BICD1: variants seen among roughly 807,000 people sequenced by gnomAD.
The protein encoded by BICD1 is BICD cargo adaptor 1, also known as protein bicaudal D homolog 1.
In BICD1, 35 loss-of-function variants were observed where a neutral mutation model predicts 92.5. That is an observed-to-expected ratio of 0.38 (90% CI 0.29 to 0.50). The LOEUF is 0.50. BICD1 is among the 20% of genes least tolerant of loss of function. The pLI is 0.93. For synonymous variants in BICD1, 429 were observed against 465.1 expected, an observed-to-expected ratio of 0.92 and a Z score of 1.00; for missense variants, 950 against 1,189.8, an observed-to-expected ratio of 0.80 and a Z score of 2.97.
At chr12:32,358,359 C>G (rs1939197730) in intron 8 of BICD1, among the ~76,000 whole-genome samples, 2 of 151,720 alleles carry the variant, frequency 1.3e-5, no homozygotes, top group Non-Finnish European at 1.5e-5. Flanking sequence ...CCTCAGTTTC[C>G]CAAAGTGCTG....
chr12:32,109,466 G>T (rs2121120975), intron 1 of BICD1: 2 of 152,068 alleles, frequency 1.3e-5, no homozygotes, highest in East Asian at 1.9e-4. Flanking sequence ...ACGTTTTGTA[G>T]GAATAATGTA....
intron 1 of BICD1, among the ~76,000 whole-genome samples, chr12:32,203,531 C>CT (rs1197152260): frequency 6.6e-6 from 1 of 152,190 alleles, no homozygotes; most frequent in Non-Finnish European, 1.5e-5. Flanking sequence ...GCTGAGGAAC[C>CT]TGGTAGTGGC....
intron 8 of BICD1, among the ~76,000 whole-genome samples, chr12:32,367,356 A>G (rs796223426): frequency 2.0e-5 from 3 of 152,330 alleles, no homozygotes; most frequent in African/African-American, 7.2e-5. Flanking sequence ...ATCTTTCATT[A>G]TATTAATAGA....
intron 1 of BICD1, among the ~76,000 whole-genome samples, chr12:32,112,333 C>T (rs945491072): frequency 3.3e-5 from 5 of 152,276 alleles, no homozygotes; most frequent in African/African-American, 4.8e-5. Flanking sequence ...ATCAAGATTT[C>T]GTCTCTGGCG....
intron 1 of BICD1, among the ~76,000 whole-genome samples, chr12:32,118,091 A>ATTTTATTTTATTTTATTTTTTTTTTTTT (rs1555126592): frequency 2.1e-5 from 1 of 46,832 alleles, no homozygotes; most frequent in African/African-American, 6.7e-5. Context: ...TATTTTATTT[A>ATTTTATTTTATTTTATTTTTTTTTTTTT]TTTTTTTTGA....
intron 1 of BICD1, among the ~76,000 whole-genome samples, chr12:32,206,233 A>G (rs1254766031): frequency 6.6e-6 from 1 of 152,240 alleles, no homozygotes; most frequent in Non-Finnish European, 1.5e-5. Flanking sequence ...GTTGGATTGC[A>G]TGGTAGGAAT....
rs138707096 is a variant in BICD1 at position 32,250,710 on chromosome 12, G to A, written c.426+34251G>A. ...AAGTGTAAGGATGAAGCCAGGCGCA[G>A]TGGCTCATGCCTGTAATCCTAGCAC... On this transcript the variant is annotated intron_variant, in intron 2 of 9. Coordinates refer to ENST00000652176, the MANE Select transcript of BICD1 (RefSeq NM_001714.4). Among the ~76,000 whole-genome samples the A allele has an allele frequency of 5.9e-5, 9 of 152,280 alleles. No homozygotes were observed. The East Asian group carries it at 1.7e-3, about 29-fold the overall frequency.
intron 8 of BICD1, chr12:32,340,323 T>A (rs190909224): frequency 1.0e-6 from 1 of 985,356 alleles, no homozygotes; most frequent in Admixed American, 6.1e-5. Flanking sequence ...AAGTAAAAAC[T>A]GCTTGGTGTT....
At chr12:32,179,665 A>C (rs1944214486) in intron 1 of BICD1, among the ~76,000 whole-genome samples, 1 of 151,920 alleles carries the variant, frequency 6.6e-6, no homozygotes, top group African/African-American at 2.4e-5. Context: ...AAATTATGTG[A>C]CAATTGTGTA....
At chr12:32,261,607 G>T (rs867048700) in intron 2 of BICD1, among the ~76,000 whole-genome samples, 2 of 152,266 alleles carry the variant, frequency 1.3e-5, no homozygotes, top group Non-Finnish European at 2.9e-5. Context: ...ATGGAATTCA[G>T]TGAATTGCAT....
At chr12:32,205,194 A>G (rs919430319) in intron 1 of BICD1, among the ~76,000 whole-genome samples, 1 of 152,154 alleles carries the variant, frequency 6.6e-6, no homozygotes, top group African/African-American at 2.4e-5. Context: ...AACTACTTAA[A>G]TGGAATTGTT....
chr12:32,312,948 A>G (rs948823345), intron 4 of BICD1, among the ~76,000 whole-genome samples: 4 of 152,192 alleles, frequency 2.6e-5, no homozygotes, highest in African/African-American at 9.6e-5. Context: ...TACCTTAATT[A>G]GTTTTATTAG....
intron 2 of BICD1, among the ~76,000 whole-genome samples, chr12:32,264,066 A>C (rs1397034588): frequency 6.6e-6 from 1 of 152,214 alleles, no homozygotes; most frequent in Non-Finnish European, 1.5e-5. Flanking sequence ...CACTTACAGA[A>C]TGCAAATCAT....
chr12:32,118,959 C>T (rs780563903), intron 1 of BICD1, among the ~76,000 whole-genome samples: 15 of 152,134 alleles, frequency 9.9e-5, no homozygotes, highest in South Asian at 2.1e-4. Context: ...AGAGAGTCAA[C>T]GAACATCCAC....
chr12:32,124,341 A>C (rs952738552), intron 1 of BICD1, among the ~76,000 whole-genome samples: 4 of 152,210 alleles, frequency 2.6e-5, no homozygotes, highest in Non-Finnish European at 4.4e-5. Flanking sequence ...TACTGGAAAC[A>C]ATATGAGTTT....
chr12:32,229,643 G>A (rs978236837), intron 2 of BICD1, among the ~76,000 whole-genome samples: 2 of 152,120 alleles, frequency 1.3e-5, no homozygotes, highest in South Asian at 4.1e-4. Flanking sequence ...AAAAGGCTGA[G>A]GATAGTAAGT....
chr12:32,275,224 T>G (rs1947244024), intron 2 of BICD1, among the ~76,000 whole-genome samples: 1 of 152,194 alleles, frequency 6.6e-6, no homozygotes, highest in African/African-American at 2.4e-5. Flanking sequence ...CATTATAAAA[T>G]TATGCTAACT....
chr12:32,121,815 T>C (rs199942828), intron 1 of BICD1, among the ~76,000 whole-genome samples: 1 of 138,326 alleles, frequency 7.2e-6, no homozygotes, highest in South Asian at 2.1e-4. Context: ...TTGTCAAATT[T>C]TTTTTTTTTT....
At chr12:32,268,818 A>G (rs1383183644) in intron 2 of BICD1, among the ~76,000 whole-genome samples, 1 of 152,144 alleles carries the variant, frequency 6.6e-6, no homozygotes, top group Non-Finnish European at 1.5e-5. Context: ...AATAAGGTGG[A>G]ATTTTCACCC....
Sources: allele counts gnomAD v4.1 joint callset (sites outside exome capture counted in the v4.1 genomes callset), GRCh38; gene constraint gnomAD v4.1.1; transcripts MANE v1.5; gene names NCBI Gene and HGNC (gene_info 2026-07-23, HGNC 2026-07-21).